CFAP54: variants seen among roughly 807,000 people sequenced by gnomAD.
CFAP54 encodes cilia and flagella associated protein 54.
In CFAP54, 290 loss-of-function variants were observed where a neutral mutation model predicts 370.4. That is an observed-to-expected ratio of 0.78 (90% confidence interval 0.71 to 0.86). CFAP54 has a LOEUF of 0.86. Among genes scored for constraint, CFAP54 ranks in the 40% least tolerant of loss-of-function variants. The pLI is 0.00. For missense variants in CFAP54, 3,399 were observed against 3,528.7 expected (o/e 0.96, Z 0.93); for synonymous variants, 1,206 against 1,236.5 (o/e 0.98, Z 0.52).
At chr12:96,513,163 A>G (rs1246367335) in intron 5 of CFAP54, 119 bp downstream of exon 5, 7 of 331,774 alleles carry the variant, frequency 2.1e-5, no homozygotes, top group Non-Finnish European at 5.1e-6. Context: ...TATATAATAT[A>G]AAATTTAGTA....
intron 66 of CFAP54, among the ~76,000 whole-genome samples, chr12:96,836,658 A>G (rs1959187115): frequency 6.6e-6 from 1 of 152,218 alleles, no homozygotes; most frequent in South Asian, 2.1e-4. Context: ...TGTTGAACAT[A>G]AATTAGTCTA....
intron 34 of CFAP54, among the ~76,000 whole-genome samples, chr12:96,649,448 T>C (rs181254649): frequency 1.3e-5 from 2 of 152,278 alleles, no homozygotes; most frequent in South Asian, 2.1e-4. Flanking sequence ...GAAAGCCTTC[T>C]TTTTTATGCC....
At chr12:96,700,143 A>G in intron 46 of CFAP54, 50 bp downstream of exon 46, 2 of 1,536,908 alleles carry the variant, frequency 1.3e-6, no homozygotes, top group Non-Finnish European at 1.8e-6. Context: ...TGAGGGATAC[A>G]TTCCTAAAAT....
chr12:96,874,909 G>A (rs1426410117), intron 67 of CFAP54, among the ~76,000 whole-genome samples: 2 of 151,850 alleles, frequency 1.3e-5, no homozygotes, highest in Non-Finnish European at 2.9e-5. Context: ...GAGCCACCGC[G>A]CCCGGCCGGG....
At chr12:96,837,924 C>G (rs1390410188) in intron 66 of CFAP54, among the ~76,000 whole-genome samples, 1 of 152,168 alleles carries the variant, frequency 6.6e-6, no homozygotes. Flanking sequence ...AAGCAGCACT[C>G]CATGGTTCTT....
At chr12:96,603,154 G>A (rs1349020708) in intron 26 of CFAP54, among the ~76,000 whole-genome samples, 1 of 152,130 alleles carries the variant, frequency 6.6e-6, no homozygotes, top group African/African-American at 2.4e-5. Context: ...GAGGCCTGGT[G>A]GTGACAGAAT....
At chr12:96,504,994 T>TTTTCTTTCTTTCTTTCTTTCTTTC (rs140087516) in intron 3 of CFAP54, among the ~76,000 whole-genome samples, 4 of 148,916 alleles carry the variant, frequency 2.7e-5, no homozygotes, top group Non-Finnish European at 5.9e-5. Context: ...TCTTCTTTCT[T>TTTTCTTTCTTTCTTTCTTTCTTTC]TTTCTTTCTT....
rs180729379 is a variant in CFAP54, at chr12:96,749,929, G to C, written c.7685-3814G>C. Among the ~76,000 whole-genome samples, 769 of 152,278 alleles carry C rather than the reference G, an allele frequency of 5.0e-3. 6 individuals carry two copies. Among genetic ancestry groups the C allele is most frequent in the African/African-American group, 0.018 (729 of 41,556 alleles). On this transcript the variant is annotated intron_variant, in intron 55 of 67. Coordinates refer to ENST00000524981, the MANE Select transcript of CFAP54 (RefSeq NM_001306084.2). ...TGGCCATGCTGCAAGTGGTGGTTAAGAATAGCTAGTTCTGCCTATATGGGT... is the reference window on the plus strand; with the variant it reads ...TGGCCATGCTGCAAGTGGTGGTTAACAATAGCTAGTTCTGCCTATATGGGT...
At chr12:96,631,714 TATATC>T (rs1956610402) in intron 32 of CFAP54, among the ~76,000 whole-genome samples, 1 of 149,078 alleles carries the variant, frequency 6.7e-6, no homozygotes, top group Admixed American at 6.7e-5. Context: ...ATATTATGCA[TATATC>T]ATATAATATA....
Position 96,691,150 on chromosome 12 carries a change from C to T in CFAP54, c.6104C>T (p.Pro2035Leu). Residue 2035 changes from proline to leucine, a missense_variant, in exon 44 of 68, where the codon CCA (proline) becomes CTA (leucine). This residue lies in a region of CFAP54 where 2,796 missense variants were observed against 2,869.7 expected (regional missense o/e 0.97). Coordinates refer to ENST00000524981, the MANE Select transcript of CFAP54 (RefSeq NM_001306084.2). ...LFQGLLRTTL[P>L]HPKAERCYAQ... ...CAGGGTTTGCTTAGAACAACACTTC[C>T]ACATCCCAAAGCTGAACGTTGCTAT... 6.2e-7 allele frequency: 1 copy of T among 1,613,274 alleles called. No individual in the cohort carries two copies. Among genetic ancestry groups the T allele is most frequent in the South Asian group, 1.1e-5 (1 of 90,920 alleles).
At chr12:96,751,637 G>A (rs185085288) in intron 55 of CFAP54, among the ~76,000 whole-genome samples, 2 of 152,264 alleles carry the variant, frequency 1.3e-5, no homozygotes, top group East Asian at 3.9e-4. Flanking sequence ...ATATGGTTGT[G>A]CTGAACAAAT....
chr12:96,503,986 CCTTTT>C lies in CFAP54; in HGVS notation c.525_529del (p.Phe176ProfsTer5). The C allele has an allele frequency of 6.6e-7, 1 of 1,523,596 alleles. No homozygotes were observed. The highest frequency in any genetic ancestry group is 8.8e-7 in the Non-Finnish European group (1 of 1,142,554). The allele number at this position is 1,523,596 out of a possible 1,614,324, so 94.4% of individuals were successfully genotyped here. A position where few individuals can be genotyped will look rare whatever the true frequency, so the allele number is the denominator to read the frequency against. On this transcript the variant is annotated frameshift_variant, in exon 3 of 68. Coordinates refer to ENST00000524981, the MANE Select transcript of CFAP54 (RefSeq NM_001306084.2). LOFTEE classifies it high-confidence loss of function. ...GTGGATGTAACTCAATTCAAAGCTA[CCTTTT>C]TCCCAAAAGGCTTTAAAGATAAAAC...
rs145382828 is a variant in CFAP54, at chr12:96,558,909, G to T, written c.2410+4107G>T. Among the ~76,000 whole-genome samples the T allele has an allele frequency of 9.6e-3, 1,460 of 152,200 alleles. 27 individuals are homozygous for T. Among genetic ancestry groups the T allele is most frequent in the African/African-American group, 0.033 (1,369 of 41,536 alleles). ...TATCAAGTTAAAAAGCTTCTGCCCA[G>T]CAAAGGATACAATCAGCGAAGTAAG... On this transcript the variant is annotated intron_variant, in intron 17 of 67. Coordinates refer to ENST00000524981, the MANE Select transcript of CFAP54 (RefSeq NM_001306084.2).
chr12:96,639,840 C>G (rs1192581233), intron 32 of CFAP54, among the ~76,000 whole-genome samples: 1 of 152,196 alleles, frequency 6.6e-6, no homozygotes, highest in African/African-American at 2.4e-5. Flanking sequence ...ACATGATTAT[C>G]TCAATAGATG....
chr12:96,718,061 A>C (rs1451450567), intron 48 of CFAP54, among the ~76,000 whole-genome samples: 1 of 152,146 alleles, frequency 6.6e-6, no homozygotes, highest in African/African-American at 2.4e-5. Flanking sequence ...AGTTTTAAAA[A>C]CTATTAATAG....
chr12:96,567,700 G>A (rs1455434597), intron 19 of CFAP54, among the ~76,000 whole-genome samples: 1 of 152,058 alleles, frequency 6.6e-6, no homozygotes, highest in Non-Finnish European at 1.5e-5. Context: ...CCTGAAGAGA[G>A]GTTTCCTCTT....
intron 14 of CFAP54, among the ~76,000 whole-genome samples, chr12:96,544,094 A>T (rs2136390986): frequency 6.6e-6 from 1 of 152,214 alleles, no homozygotes; most frequent in South Asian, 2.1e-4. Context: ...GCTTCTCCAA[A>T]ACTTAACTCT....
At chr12:96,613,371 T>C (rs968345897) in intron 26 of CFAP54, among the ~76,000 whole-genome samples, 3 of 152,174 alleles carry the variant, frequency 2.0e-5, no homozygotes, top group African/African-American at 7.2e-5. Flanking sequence ...TTTAAGGCAG[T>C]GTGTAGAGGG....
intron 15 of CFAP54, among the ~76,000 whole-genome samples, chr12:96,548,856 ATTT>A (rs35755598): frequency 1.4e-5 from 2 of 142,686 alleles, no homozygotes; most frequent in Admixed American, 7.1e-5. Context: ...CCTCCGGTAG[ATTT>A]TTTTTTTTTT....
Sources: allele counts gnomAD v4.1 joint callset (sites outside exome capture counted in the v4.1 genomes callset), GRCh38; gene constraint gnomAD v4.1.1; regional missense constraint gnomAD v4.1.1; transcripts MANE v1.5; gene names NCBI Gene and HGNC (gene_info 2026-07-23, HGNC 2026-07-21).